Variants in BARX2 observed in about 807,000 individuals in gnomAD.
The protein encoded by BARX2 is BARX homeobox 2, also known as homeobox protein BarH-like 2.
BARX2 carries 11 observed loss-of-function variants against 25.5 expected under a neutral mutation model. The ratio of observed to expected loss-of-function variants is 0.43; its 90% confidence interval spans 0.27 to 0.71. The LOEUF (loss-of-function observed/expected upper bound fraction) is 0.71, where lower values mean the gene tolerates loss of function less well. Among genes scored for constraint, BARX2 ranks in the 30% least tolerant of loss-of-function variants. The probability of loss-of-function intolerance (pLI) is 0.19; values close to 1 mark genes in which losing one functional copy is unlikely to be tolerated. For synonymous variants in BARX2, 137 were observed against 149.5 expected, an observed-to-expected ratio of 0.92 and a Z score of 0.61; for missense variants, 360 against 359.9, an observed-to-expected ratio of 1.00 and a Z score of 0.00.
At chr11:129,442,352 G>A (rs1862271086) in intron 2 of BARX2, among the ~76,000 whole-genome samples, 1 of 152,180 alleles carries the variant, frequency 6.6e-6, no homozygotes, top group Non-Finnish European at 1.5e-5. Flanking sequence ...CTGCTGGCCT[G>A]TGGGAGGGTG....
At chr11:129,414,015 G>A (rs1039318457) in intron 1 of BARX2, among the ~76,000 whole-genome samples, 4 of 151,226 alleles carry the variant, frequency 2.6e-5, no homozygotes, top group African/African-American at 2.4e-5. Flanking sequence ...GCAGTGAGCC[G>A]AGATCGCGCC....
chr11:129,435,674 G>C (rs1440285490), intron 1 of BARX2, among the ~76,000 whole-genome samples: 1 of 152,140 alleles, frequency 6.6e-6, no homozygotes, highest in African/African-American at 2.4e-5. Context: ...GAGTTTGAAG[G>C]ATTCTTTAGA....
intron 3 of BARX2, among the ~76,000 whole-genome samples, chr11:129,445,616 A>G (rs571080128): frequency 2.7e-4 from 41 of 152,230 alleles, no homozygotes; most frequent in Non-Finnish European, 4.4e-4. Flanking sequence ...CTGTCAGTTC[A>G]CTTTTGAGAT....
In BARX2 at chr11:129,402,892, A is replaced by G. The variant is rs1035737994; in HGVS notation, c.187+26670A>G. 4.6e-5 allele frequency among the ~76,000 whole-genome samples: 7 copies of G among 152,248 alleles called. No individual in the cohort carries two copies. The East Asian group carries it at 5.8e-4, about 13-fold the overall frequency. On this transcript the variant is annotated intron_variant, in intron 1 of 3. Transcript: ENST00000281437. ...CTTGTCCTCAAGGAGCTTAAAGTCT[A>G]TCATAACATAAGACATTCCAGGAAG...
At chr11:129,416,965 A>G (rs1409368629) in intron 1 of BARX2, among the ~76,000 whole-genome samples, 1 of 151,174 alleles carries the variant, frequency 6.6e-6, no homozygotes, top group Non-Finnish European at 1.5e-5. Context: ...ACAGTGGCGC[A>G]ATCTCAGCTC....
At chr11:129,402,757 G>A (rs1392134575) in intron 1 of BARX2, among the ~76,000 whole-genome samples, 1 of 152,204 alleles carries the variant, frequency 6.6e-6, no homozygotes, top group Non-Finnish European at 1.5e-5. Flanking sequence ...AGAAATCAGT[G>A]AATTAATCAC....
intron 1 of BARX2, among the ~76,000 whole-genome samples, chr11:129,419,168 G>A (rs910770747): frequency 6.6e-6 from 1 of 152,196 alleles, no homozygotes; most frequent in Non-Finnish European, 1.5e-5. Flanking sequence ...CTGCTGAGAA[G>A]CTTCTGGCCA....
chr11:129,389,539 A>G (rs1032618405), intron 1 of BARX2, among the ~76,000 whole-genome samples: 2 of 151,920 alleles, frequency 1.3e-5, no homozygotes, highest in African/African-American at 4.8e-5. Flanking sequence ...CAACATCACA[A>G]GATGTGCTTT....
intron 2 of BARX2, among the ~76,000 whole-genome samples, chr11:129,441,446 A>T (rs565527338): frequency 2.0e-5 from 3 of 152,166 alleles, no homozygotes; most frequent in Admixed American, 6.5e-5. Flanking sequence ...GAAGTAATTT[A>T]TTTTTATTTA....
chr11:129,389,185 A>G (rs1001175696), intron 1 of BARX2, among the ~76,000 whole-genome samples: 20 of 152,236 alleles, frequency 1.3e-4, no homozygotes, highest in Admixed American at 1.3e-3. Flanking sequence ...AGTTTGTGGT[A>G]ACAAAGTGCT....
intron 1 of BARX2, among the ~76,000 whole-genome samples, chr11:129,402,825 G>C (rs1310275285): frequency 6.6e-6 from 1 of 152,186 alleles, no homozygotes; most frequent in African/African-American, 2.4e-5. Flanking sequence ...TGTAGACACA[G>C]AGGGAGATCC....
At chr11:129,420,586 A>G (rs999724794) in intron 1 of BARX2, among the ~76,000 whole-genome samples, 4 of 152,222 alleles carry the variant, frequency 2.6e-5, no homozygotes, top group African/African-American at 9.6e-5. Flanking sequence ...TTAATTGTGC[A>G]TGGTGCAAAT....
intron 1 of BARX2, among the ~76,000 whole-genome samples, chr11:129,386,520 A>G (rs1861617721): frequency 6.6e-6 from 1 of 152,184 alleles, no homozygotes. Flanking sequence ...TGTTCAATAT[A>G]TGGTATTGGG....
intron 1 of BARX2, among the ~76,000 whole-genome samples, chr11:129,406,158 A>G (rs1214301724): frequency 2.0e-5 from 3 of 152,254 alleles, no homozygotes; most frequent in African/African-American, 7.2e-5. Flanking sequence ...CATGATAAAC[A>G]CACATTCATC....
At chr11:129,416,864 C>A (rs1861949097) in intron 1 of BARX2, among the ~76,000 whole-genome samples, 1 of 148,740 alleles carries the variant, frequency 6.7e-6, no homozygotes. Flanking sequence ...GTACATCTAT[C>A]CAGTGTCTTT....
At chr11:129,443,933 C>T (rs986904328) in intron 3 of BARX2, among the ~76,000 whole-genome samples, 7 of 152,054 alleles carry the variant, frequency 4.6e-5, no homozygotes, top group Non-Finnish European at 5.9e-5. Context: ...CTTCTTACCC[C>T]CTCACCAAAC....
rs1342283656 is a variant in BARX2 at position 129,451,583 on chromosome 11, C to CT, written c.*183dup. On this transcript the variant is annotated 3_prime_UTR_variant, in exon 4 of 4. Coordinates refer to ENST00000281437, the MANE Select transcript of BARX2 (RefSeq NM_003658.5). ...ATCGCAAGCATTTGACAAAGACTTG[C>CT]TTGTCTTGGGCCTGTCACCTCCTGA... The CT allele has an allele frequency of 1.3e-6, 1 of 746,014 alleles. No homozygotes were observed. Among genetic ancestry groups the CT allele is most frequent in the Non-Finnish European group, 2.1e-6 (1 of 473,124 alleles). The allele number at this position is 746,014 out of a possible 1,614,324, so 46.2% of individuals were successfully genotyped here. A position where few individuals can be genotyped will look rare whatever the true frequency, so the allele number is the denominator to read the frequency against.
chr11:129,431,332 A>G (rs1161132019), intron 1 of BARX2, among the ~76,000 whole-genome samples: 1 of 152,162 alleles, frequency 6.6e-6, no homozygotes, highest in African/African-American at 2.4e-5. Flanking sequence ...TGCTAGGTCA[A>G]ATGGTAAGCG....
chr11:129,404,605 T>C (rs1023659606), intron 1 of BARX2, among the ~76,000 whole-genome samples: 3 of 152,256 alleles, frequency 2.0e-5, no homozygotes, highest in Non-Finnish European at 4.4e-5. Context: ...ACAGTGATGT[T>C]ACCTGTTCTG....
Sources: allele counts gnomAD v4.1 joint callset (sites outside exome capture counted in the v4.1 genomes callset), GRCh38; gene constraint gnomAD v4.1.1; transcripts MANE v1.5; gene names NCBI Gene and HGNC (gene_info 2026-07-23, HGNC 2026-07-21).